Variants in IQSEC1 observed in about 807,000 individuals in gnomAD.
IQSEC1 encodes IQ motif and Sec7 domain ArfGEF 1.
Under a neutral mutation model 91.0 loss-of-function variants are expected in IQSEC1, and 31 were observed. The ratio of observed to expected loss-of-function variants is 0.34; its 90% confidence interval spans 0.26 to 0.46. The LOEUF (loss-of-function observed/expected upper bound fraction) is 0.46. Among genes scored for constraint, IQSEC1 ranks in the 20% least tolerant of loss-of-function variants. IQSEC1 has a pLI of 1.00. For missense variants in IQSEC1, 1,388 were observed against 1,575.6 expected (o/e 0.88, Z 2.02); for synonymous variants, 699 against 662.6 (o/e 1.05, Z -0.84).
intron 2 of IQSEC1, among the ~76,000 whole-genome samples, chr3:13,106,778 G>A (rs562939364): frequency 6.6e-6 from 1 of 152,244 alleles, no homozygotes. Context: ...GTGAGCAACT[G>A]AGCAAACATC....
chr3:13,162,858 A>G (rs1333874585), intron 2 of IQSEC1, among the ~76,000 whole-genome samples: 1 of 151,422 alleles, frequency 6.6e-6, no homozygotes, highest in Non-Finnish European at 1.5e-5. Flanking sequence ...CCTCCCTCGG[A>G]TCCCCAGACC....
At chr3:12,963,170 T>C (rs76534784) in intron 1 of IQSEC1, among the ~76,000 whole-genome samples, 130 of 152,386 alleles carry the variant, frequency 8.5e-4, no homozygotes, top group African/African-American at 3.0e-3. Flanking sequence ...GCAGTCACAG[T>C]GTCTCATCTT....
At chr3:12,923,264 C>G (rs1000434652) in intron 4 of IQSEC1, among the ~76,000 whole-genome samples, 1 of 152,068 alleles carries the variant, frequency 6.6e-6, no homozygotes, top group East Asian at 1.9e-4. Flanking sequence ...TTCCTAAGGA[C>G]CAGGGACCGG....
chr3:13,278,751 G>A (rs564089544), intron 1 of IQSEC1, among the ~76,000 whole-genome samples: 64 of 151,710 alleles, frequency 4.2e-4, no homozygotes, highest in Admixed American at 2.2e-3. Context: ...CCTGGGAGGC[G>A]GAACTTTCAG....
intron 6 of IQSEC1, among the ~76,000 whole-genome samples, chr3:12,918,486 T>C (rs1235154174): frequency 6.6e-6 from 1 of 152,040 alleles, no homozygotes; most frequent in African/African-American, 2.4e-5. Flanking sequence ...TCATCCAGCA[T>C]ATCCCAGATG....
rs139135152 is a variant in IQSEC1, at chr3:13,250,163, G to A, written c.272+32548C>T. ...TTGTCACAGGCTTTCAGGGGACACA[G>A]CAAACAGTAAAAGCTCTGCAGATTC... On this transcript the variant is annotated intron_variant, in intron 1 of 15. Transcript: ENST00000648114. 4.1e-3 allele frequency among the ~76,000 whole-genome samples: 622 copies of A among 152,338 alleles called. 2 individuals are homozygous for A. Among genetic ancestry groups the A allele is most frequent in the African/African-American group, 0.014 (584 of 41,580 alleles).
chr3:13,256,025 T>C (rs549697169), intron 1 of IQSEC1, among the ~76,000 whole-genome samples: 4 of 152,118 alleles, frequency 2.6e-5, no homozygotes, highest in Admixed American at 1.3e-4. Context: ...CCACAAAGAG[T>C]GAAGTGGTCC....
At position 12,935,781 on chromosome 3, in the gene IQSEC1, G is replaced by A; in HGVS notation, c.1235C>T (p.Ala412Val). ...CTCCTCCCGGGGGAGGCTCTTGGGG[G>A]CGCCGCTGTGGGGACCATGCTTGGG... Reference protein sequence around the residue: ...GSPKHGPHSGAPKSLPREEPE... With the variant: ...GSPKHGPHSGVPKSLPREEPE... The change falls in exon 3 of 14, where the codon GCC becomes GTC. Residue 412 changes from alanine to valine, a missense_variant. Ala to Val is a moderately conservative substitution (Grantham distance 64, BLOSUM62 0). This residue lies in a region of IQSEC1 where 1,059 missense variants were observed against 1,317.8 expected (regional missense o/e 0.80). Transcript: ENST00000613206. The surrounding 1 kb of genome is among the most constrained non-coding windows in gnomAD (Gnocchi z 8.0). The A allele has an allele frequency of 6.2e-7, 1 of 1,607,498 alleles. No homozygotes were observed. The highest frequency in any genetic ancestry group is 8.5e-7 in the Non-Finnish European group (1 of 1,179,756).
intron 12 of IQSEC1, among the ~76,000 whole-genome samples, chr3:12,903,179 CCT>C (rs1188359254): frequency 1.3e-5 from 2 of 152,204 alleles, no homozygotes; most frequent in Non-Finnish European, 2.9e-5. Flanking sequence ...TGTGTTCACC[CCT>C]GACTCGGGTG....
At chr3:13,270,078 C>T (rs1453593329) in intron 1 of IQSEC1, among the ~76,000 whole-genome samples, 2 of 152,340 alleles carry the variant, frequency 1.3e-5, no homozygotes, top group Admixed American at 1.3e-4. Flanking sequence ...GACACCTCCA[C>T]AAGGTGCCGG....
intron 1 of IQSEC1, among the ~76,000 whole-genome samples, chr3:13,252,730 T>TTTTTTTG (rs60219953): frequency 1.3e-4 from 19 of 150,946 alleles, no homozygotes; most frequent in Middle Eastern, 3.4e-3. Flanking sequence ...TTTTTTTTGT[T>TTTTTTTG]TTTGTTTGTT....
At chr3:13,134,814 A>G (rs1219446626) in intron 2 of IQSEC1, among the ~76,000 whole-genome samples, 2 of 152,170 alleles carry the variant, frequency 1.3e-5, no homozygotes, top group African/African-American at 4.8e-5. Context: ...ACCTCCCTGA[A>G]GCAGTCAAGA....
intron 1 of IQSEC1, among the ~76,000 whole-genome samples, chr3:13,268,989 C>T (rs931044657): frequency 5.9e-5 from 9 of 152,332 alleles, no homozygotes; most frequent in African/African-American, 1.7e-4. Context: ...CACCATGAAA[C>T]GTTCTGAGAT....
At chr3:13,189,420 A>G (rs1463095324) in intron 1 of IQSEC1, among the ~76,000 whole-genome samples, 1 of 152,068 alleles carries the variant, frequency 6.6e-6, no homozygotes, top group Non-Finnish European at 1.5e-5. Flanking sequence ...TCCTCCCCAG[A>G]TGCCCTGGGC....
At chr3:13,055,731 T>A (rs1704851966) in intron 1 of IQSEC1, among the ~76,000 whole-genome samples, 1 of 152,158 alleles carries the variant, frequency 6.6e-6, no homozygotes. Flanking sequence ...CAGAGCTGCC[T>A]CAAGGAAGAG....
intron 3 of IQSEC1, among the ~76,000 whole-genome samples, chr3:12,932,843 G>T (rs781647333): frequency 1.3e-5 from 2 of 152,230 alleles, no homozygotes. Flanking sequence ...TGTCAGCTGG[G>T]CCAGCTGGGA....
Position 13,211,284 on chromosome 3 carries a change from A to G in IQSEC1, c.273-47151T>C, listed in dbSNP as rs192904151. 6.6e-6 allele frequency among the ~76,000 whole-genome samples: 1 copy of G among 152,234 alleles called. No individual in the cohort carries two copies. Reference sequence around the variant, plus strand: ...CCTCCTCGACAGCAATGAACATGAAAGGCCTTCTTGGCAGCGAGCTCTTCA... The same window carrying G: ...CCTCCTCGACAGCAATGAACATGAAGGGCCTTCTTGGCAGCGAGCTCTTCA... On this transcript the variant is annotated intron_variant, in intron 1 of 15. Coordinates refer to the IQSEC1 transcript ENST00000648114. This position sits in a 1 kb window ranked among gnomAD's most constrained non-coding sequence, Gnocchi z 5.3.
In IQSEC1 at chr3:12,922,114, C is replaced by T; in HGVS notation, c.1853+6G>A. ...ATGCAGCAGCCCCAGCCAGCCCGGG[C>T]CCCACCTGAACGCCTCTATGAGCCG... On this transcript the variant is annotated splice_donor_region_variant and intron_variant, in intron 5 of 13. Transcript: ENST00000613206. The surrounding 1 kb of genome is among the most constrained non-coding windows in gnomAD (Gnocchi z 5.1). 1.9e-6 allele frequency: 3 copies of T among 1,584,346 alleles called. No homozygotes were observed. The highest frequency in any genetic ancestry group is 2.6e-6 in the Non-Finnish European group (3 of 1,160,516).
intron 3 of IQSEC1, among the ~76,000 whole-genome samples, chr3:12,934,895 A>C (rs2125299103): frequency 6.6e-6 from 1 of 151,078 alleles, no homozygotes; most frequent in Non-Finnish European, 1.5e-5. Flanking sequence ...CATCTGTCTG[A>C]GTTCCTTCCA....
Sources: gnomAD v4.1 joint callset for allele counts (sites outside exome capture counted in the v4.1 genomes callset) on GRCh38, gnomAD v4.1.1 for gene constraint, gnomAD v4.1.1 regional missense constraint, Gnocchi (gnomAD v3.1) non-coding constraint, MANE v1.5 for transcripts, NCBI Gene and HGNC (gene_info 2026-07-23, HGNC 2026-07-21) for gene names.